The following RSRC2 variants were observed in gnomAD, a reference collection of about 807,000 sequenced individuals.
RSRC2 encodes arginine/serine-rich coiled-coil protein 2.
Under a neutral mutation model 61.3 loss-of-function variants are expected in RSRC2, and 5 were observed. The ratio of observed to expected loss-of-function variants is 0.08; its 90% CI spans 0.04 to 0.17. The LOEUF is 0.17. Among genes scored for constraint, RSRC2 ranks in the 10% least tolerant of loss-of-function variants. RSRC2 has a pLI of 1.00. For synonymous variants in RSRC2, 202 were observed against 166.5 expected (o/e 1.21, Z -1.64); for missense variants, 381 against 518.8 (o/e 0.73, Z 2.58).
At chr12:122,514,793 T>C (rs1443685749) in intron 6 of RSRC2, 3 of 956,104 alleles carry the variant, frequency 3.1e-6, no homozygotes, top group African/African-American at 3.8e-5. Context: ...TAATAGTTCT[T>C]GAACCAGATT....
intron 1 of RSRC2, chr12:122,523,853 A>G (rs1288212180): frequency 6.6e-6 from 1 of 151,874 alleles, no homozygotes; most frequent in African/African-American, 2.4e-5. Flanking sequence ...ATGTGCCAAA[A>G]CCAATGCTAG....
chr12:122,505,275 G>A lies in RSRC2; in HGVS notation c.*252C>T. The A allele has an allele frequency of 5.9e-6, 2 of 339,882 alleles. No homozygotes were observed. Among genetic ancestry groups the A allele is most frequent in the Non-Finnish European group, 1.1e-5 (2 of 189,350 alleles). 21.1% of individuals were successfully genotyped at this position (339,882 alleles called of 1,614,324 possible). A position where few individuals can be genotyped will look rare whatever the true frequency, so the allele number is the denominator to read the frequency against. On this transcript the variant is annotated 3_prime_UTR_variant, in exon 10 of 10. Coordinates refer to ENST00000331738, the MANE Select transcript of RSRC2 (RefSeq NM_023012.6). ...CCCCACCTGCAGCTTTTATATATTTGAAAAGTAGAATTCATGAACTAAAAA... is the reference window on the plus strand; with the variant it reads ...CCCCACCTGCAGCTTTTATATATTTAAAAAGTAGAATTCATGAACTAAAAA...
chr12:122,518,033 A>C (rs538405589), intron 4 of RSRC2, among the ~76,000 whole-genome samples: 6 of 152,022 alleles, frequency 3.9e-5, no homozygotes, highest in Non-Finnish European at 7.4e-5. Context: ...AGAGTGACTC[A>C]CTCCTGAAAT....
rs187051944 is a variant in RSRC2, at chr12:122,519,006, A to G, written c.231T>C (p.Asp77=). The change falls in exon 4 of 10, where the codon GAT becomes GAC. Residue 77 remains aspartate (D), a synonymous_variant. Transcript: ENST00000331738. Reference sequence around the variant, plus strand: ...CAGACTTATGTTTCTTAGAGGATTTATCTTTGGATTCATGTCTTCTTCCCT... The same window carrying G: ...CAGACTTATGTTTCTTAGAGGATTTGTCTTTGGATTCATGTCTTCTTCCCT... ...SKEGRRHESK[D]KSSKKHKSEE... is the part of the protein sequence containing the mutation. 2 of 1,613,456 alleles carry G rather than the reference A, an allele frequency of 1.2e-6. No homozygotes were observed. Among genetic ancestry groups the G allele is most frequent in the East Asian group, 2.2e-5 (1 of 44,860 alleles).
chr12:122,513,478 A>AT (rs1211995276), intron 6 of RSRC2, among the ~76,000 whole-genome samples: 1 of 152,102 alleles, frequency 6.6e-6, no homozygotes, highest in East Asian at 1.9e-4. Flanking sequence ...AGTAATCTAT[A>AT]TATCAATGAC....
chr12:122,521,034 T>C (rs879641630), intron 3 of RSRC2: 8 of 246,648 alleles, frequency 3.2e-5, no homozygotes, highest in South Asian at 6.1e-5. Context: ...TATGTAAAGA[T>C]GATTGCTGTT....
At position 122,508,499 on chromosome 12, in the gene RSRC2, C is replaced by A. The variant is rs1451069964; in HGVS notation, c.806-52G>T. On this transcript the variant is annotated intron_variant, in intron 7 of 9. Coordinates refer to ENST00000331738, the MANE Select transcript of RSRC2 (RefSeq NM_023012.6). ...TTTTAAAACGATTTTAAAACATAAA[C>A]CTCCTGATTTACATTAACGAACGAT... The A allele has an allele frequency of 8.0e-6, 11 of 1,371,918 alleles. No homozygotes were observed. The African/African-American group carries it at 1.0e-4, about 13-fold the overall frequency. 85.0% of individuals were successfully genotyped at this position (1,371,918 alleles called of 1,614,324 possible). A position where few individuals can be genotyped will look rare whatever the true frequency, so the allele number is the denominator to read the frequency against.
At chr12:122,509,105 T>C (rs555419912) in intron 7 of RSRC2, among the ~76,000 whole-genome samples, 39 of 152,162 alleles carry the variant, frequency 2.6e-4, no homozygotes, top group African/African-American at 9.4e-4. Context: ...ATTTATGAAA[T>C]GTTCTCATGG....
chr12:122,507,162 G>C (rs1958164823), intron 8 of RSRC2: 2 of 501,718 alleles, frequency 4.0e-6, no homozygotes, highest in Non-Finnish European at 7.2e-6. Flanking sequence ...CAAATCACCT[G>C]AGGTCAGGGG....
Position 122,513,232 on chromosome 12 carries a change from TAAATAAATAAATA to T in RSRC2, c.725+1860_725+1872del, listed in dbSNP as rs772963460. 8.7e-3 allele frequency among the ~76,000 whole-genome samples: 795 copies of T among 91,452 alleles called. 13 individuals are homozygous for T. Among genetic ancestry groups the T allele is most frequent in the Admixed American group, 0.027 (269 of 9,880 alleles). The allele number at this position is 91,452 out of a possible 152,430, so 60.0% of individuals were successfully genotyped here. A position where few individuals can be genotyped will look rare whatever the true frequency, so the allele number is the denominator to read the frequency against. ...ATAAATAAATAAATAAATAAATAAATAAATAAATAAATAAAATAAAATAAAAATAAAAAATAAA... is the reference window on the plus strand; with the variant it reads ...ATAAATAAATAAATAAATAAATAAATAAATAAAATAAAAATAAAAAATAAA... On this transcript the variant is annotated intron_variant, in intron 6 of 9. Transcript: ENST00000331738.
In RSRC2 at chr12:122,511,144, A is replaced by G; in HGVS notation, c.770T>C (p.Met257Thr). The change falls in exon 7 of 10, where the codon ATG (methionine) becomes ACG (threonine). Residue 257 changes from methionine to threonine, a missense_variant. Met to Thr is a moderately conservative substitution (Grantham distance 81, BLOSUM62 -1). Around this residue, in one of 4 missense-constraint regions of RSRC2, gnomAD observed 26 missense variants for 27.5 expected, o/e 0.95. Transcript: ENST00000331738. The part of the protein sequence containing the change: ...KKLQEQREKE[M>T]VEKQKQQEIA... The stretch of plus-strand genomic sequence containing the variant: ...TTCTTGTTGTTTTTGTTTTTCAACC[A>G]TTTCCTTTTCTCGCTGTTCTTGTAA... The G allele has an allele frequency of 6.2e-7, 1 of 1,608,174 alleles. No individual in the cohort carries two copies. The highest frequency in any genetic ancestry group is 2.2e-5 in the East Asian group (1 of 44,844).
At chr12:122,509,920 C>T (rs1381034660) in intron 7 of RSRC2, among the ~76,000 whole-genome samples, 1 of 152,060 alleles carries the variant, frequency 6.6e-6, no homozygotes, top group East Asian at 1.9e-4. Context: ...CTCACTGCAA[C>T]CTCTACCTCC....
In RSRC2 at chr12:122,504,385, T is replaced by C. The variant is rs1958005541; in HGVS notation, c.*1142A>G. 1 of 152,212 alleles carries C rather than the reference T, an allele frequency of 6.6e-6. No homozygotes were observed. Among genetic ancestry groups the C allele is most frequent in the Non-Finnish European group, 1.5e-5 (1 of 68,082 alleles). The allele number at this position is 152,212 out of a possible 1,614,324, so 9.4% of individuals were successfully genotyped here. A position where few individuals can be genotyped will look rare whatever the true frequency, so the allele number is the denominator to read the frequency against. ...GCTCACGCCTATAATCCCGGCACTT[T>C]GGGAGGCTGAGGAGGGTGGATCACC... On this transcript the variant is annotated 3_prime_UTR_variant, in exon 10 of 10. Transcript: ENST00000331738.
rs940052738 is a variant in RSRC2, at chr12:122,505,340, G to A, written c.*187C>T. The A allele has an allele frequency of 6.3e-6, 3 of 473,850 alleles. No individual in the cohort carries two copies. In the East Asian group the frequency reaches 9.7e-5, roughly 15 times the overall value. 29.4% of individuals were successfully genotyped at this position (473,850 alleles called of 1,614,324 possible). The stretch of plus-strand genomic sequence containing the variant: ...TAGTCCTGTCAAGTTTAATGGAAGT[G>A]GGTTTAACCTGATTACAACACTAAC... On this transcript the variant is annotated 3_prime_UTR_variant, in exon 10 of 10. Transcript: ENST00000331738.
chr12:122,509,004 G>A (rs185028751), intron 7 of RSRC2, among the ~76,000 whole-genome samples: 1 of 151,950 alleles, frequency 6.6e-6, no homozygotes, highest in African/African-American at 2.4e-5. Context: ...AGAGAATTCT[G>A]CAAATAGTAA....
intron 1 of RSRC2, among the ~76,000 whole-genome samples, chr12:122,525,036 G>A (rs1441538318): frequency 6.6e-6 from 1 of 152,096 alleles, no homozygotes; most frequent in South Asian, 2.1e-4. Flanking sequence ...TCTTTTTATT[G>A]AACAAGGCAC....
At chr12:122,515,423 A>G (rs921779802) in intron 5 of RSRC2, among the ~76,000 whole-genome samples, 196 bp from the exon 6 acceptor site, 5 of 152,128 alleles carry the variant, frequency 3.3e-5, no homozygotes, top group East Asian at 1.9e-4. Flanking sequence ...ATCCCTTTTT[A>G]AGAGACAGGG....
chr12:122,525,145 G>C (rs1222092803), intron 1 of RSRC2, among the ~76,000 whole-genome samples: 1 of 152,070 alleles, frequency 6.6e-6, no homozygotes, highest in African/African-American at 2.4e-5. Flanking sequence ...AGGCCGAGGC[G>C]GGTGGATCAT....
rs780646178 is a variant in RSRC2 at position 122,515,238 on chromosome 12, T to G, written c.603-11A>C. ...CTCTTCTTTCTATCTCTGTAGTAAA[T>G]CGTATTTCATATGTCAAATTATGGC... is the stretch of plus-strand genomic sequence containing the variant. On this transcript the variant is annotated splice_polypyrimidine_tract_variant and intron_variant, in intron 5 of 9. Transcript: ENST00000331738. 6.2e-7 allele frequency: 1 copy of G among 1,610,586 alleles called. No individual in the cohort carries two copies. Among genetic ancestry groups the G allele is most frequent in the Non-Finnish European group, 8.5e-7 (1 of 1,178,758 alleles).
Sources: gnomAD v4.1 joint callset for allele counts (sites outside exome capture counted in the v4.1 genomes callset) on GRCh38, gnomAD v4.1.1 for gene constraint, gnomAD v4.1.1 regional missense constraint, MANE v1.5 for transcripts, NCBI Gene and HGNC (gene_info 2026-07-23, HGNC 2026-07-21) for gene names.